The following TM9SF3 variants were observed in gnomAD, a reference collection of about 807,000 sequenced individuals.
TM9SF3 encodes the protein SM-11044-binding protein.
TM9SF3 carries 14 observed loss-of-function variants against 78.6 expected under a neutral mutation model. The observed-to-expected ratio is 0.18, with a 90% confidence interval of 0.12 to 0.28. TM9SF3 has a LOEUF of 0.28. Among genes scored for constraint, TM9SF3 ranks in the 10% least tolerant of loss-of-function variants. The pLI, the probability that TM9SF3 is intolerant of heterozygous loss-of-function variation, is 1.00. For synonymous variants in TM9SF3, 231 were observed against 241.7 expected, an observed-to-expected ratio of 0.96 and a Z score of 0.41; for missense variants, 496 against 721.9, an observed-to-expected ratio of 0.69 and a Z score of 3.59.
chr10:96,559,414 GTATGT>G (rs1564935663), intron 5 of TM9SF3, among the ~76,000 whole-genome samples: 7 of 25,864 alleles, frequency 2.7e-4, no homozygotes, highest in African/African-American at 9.8e-4. Flanking sequence ...TTGGCTTCCC[GTATGT>G]TATATTCTTC....
chr10:96,552,794 TTTC>T, intron 6 of TM9SF3, 131 bp downstream of exon 6: 2 of 848,750 alleles, frequency 2.4e-6, no homozygotes, highest in Non-Finnish European at 3.2e-6. Flanking sequence ...ATTTTACATC[TTTC>T]TTAACTCTAA....
chr10:96,570,028 A>G (rs1220082554), intron 2 of TM9SF3, among the ~76,000 whole-genome samples: 1 of 152,262 alleles, frequency 6.6e-6, no homozygotes. Flanking sequence ...TCTCAAAAAA[A>G]AGAAAGAAAA....
At chr10:96,526,819 G>A (rs1470601083) in intron 14 of TM9SF3, among the ~76,000 whole-genome samples, 4 of 152,080 alleles carry the variant, frequency 2.6e-5, no homozygotes, top group Non-Finnish European at 5.9e-5. Flanking sequence ...ACCTTAACAT[G>A]CCTACATCAT....
chr10:96,530,711 A>AGGCCGGGCGCGGTGGCTCACGCCTGT, intron 10 of TM9SF3, 103 bp from the exon 11 acceptor site: 1 of 1,062,736 alleles, frequency 9.4e-7, no homozygotes, highest in Non-Finnish European at 1.3e-6. Context: ...AATCATCTCT[A>AGGCCGGGCGCGGTGGCTCACGCCTGT]AAGGATAGAA....
intron 1 of TM9SF3, chr10:96,577,642 T>TA (rs1848513134): frequency 6.6e-6 from 1 of 152,214 alleles, no homozygotes; most frequent in South Asian, 2.1e-4. Flanking sequence ...TAAGTAGCAG[T>TA]ATAAATTAAA....
chr10:96,540,799 T>G (rs1406563711), intron 9 of TM9SF3, among the ~76,000 whole-genome samples: 2 of 111,002 alleles, frequency 1.8e-5, no homozygotes, highest in Non-Finnish European at 3.5e-5. Flanking sequence ...TTTTTTGAGA[T>G]GGAGTCTCAC....
rs114215794 is a variant in TM9SF3 at position 96,537,223 on chromosome 10, G to A, written c.1186-4033C>T. 5.3e-3 allele frequency among the ~76,000 whole-genome samples: 801 copies of A among 152,190 alleles called. 9 individuals are homozygous for A. Among genetic ancestry groups the A allele is most frequent in the African/African-American group, 0.018 (766 of 41,508 alleles). ...TTTTTTTTGGTCAATGATGGACCACGTATCTGACGTTGGTCCCATAAGATT... is the reference window on the plus strand; with the variant it reads ...TTTTTTTTGGTCAATGATGGACCACATATCTGACGTTGGTCCCATAAGATT... On this transcript the variant is annotated intron_variant, in intron 9 of 14. Coordinates refer to ENST00000371142, the MANE Select transcript of TM9SF3 (RefSeq NM_020123.4).
intron 5 of TM9SF3, among the ~76,000 whole-genome samples, chr10:96,553,405 T>G (rs1440619521): frequency 6.6e-6 from 1 of 152,162 alleles, no homozygotes; most frequent in Non-Finnish European, 1.5e-5. Context: ...ACATTGCCAG[T>G]TTCTGACTAT....
chr10:96,525,905 A>G (rs1286080381), intron 14 of TM9SF3, among the ~76,000 whole-genome samples: 1 of 152,110 alleles, frequency 6.6e-6, no homozygotes, highest in Non-Finnish European at 1.5e-5. Context: ...TTAGAGTCAT[A>G]AAGTTGTTCT....
chr10:96,526,071 CATTTA>C (rs775140081), intron 14 of TM9SF3, among the ~76,000 whole-genome samples: 2 of 152,138 alleles, frequency 1.3e-5, no homozygotes, highest in Non-Finnish European at 2.9e-5. Context: ...TGTTTATCCA[CATTTA>C]ATCACTGAAT....
At chr10:96,581,205 T>C (rs1274419353) in intron 1 of TM9SF3, among the ~76,000 whole-genome samples, 2 of 152,176 alleles carry the variant, frequency 1.3e-5, no homozygotes, top group East Asian at 1.9e-4. Flanking sequence ...TGTTTATGTG[T>C]TGGGGGGGTA....
At position 96,527,253 on chromosome 10, in the gene TM9SF3, T is replaced by G. The variant is rs374856715; in HGVS notation, c.1662A>C (p.Gly554=). The change falls in exon 14 of 15, where the codon GGA becomes GGC. Residue 554 remains glycine (G), a synonymous_variant. Coordinates refer to ENST00000371142, the MANE Select transcript of TM9SF3 (RefSeq NM_020123.4). The part of the protein sequence containing the change: ...YGLFQTSFYF[G]YMAVFSTALG... ...AGGCTGTGCTAAATACCGCCATATA[T>G]CCAAAGTAAAATGATGTTTGAAATA... is the stretch of plus-strand genomic sequence containing the variant. 3.1e-6 allele frequency: 5 copies of G among 1,611,604 alleles called. No homozygotes were observed. In the African/African-American group the frequency reaches 5.3e-5, roughly 17 times the overall value.
At chr10:96,528,608 T>C (rs1276620468) in intron 11 of TM9SF3, among the ~76,000 whole-genome samples, 1 of 152,012 alleles carries the variant, frequency 6.6e-6, no homozygotes, top group Non-Finnish European at 1.5e-5. Flanking sequence ...ATGTATAAAA[T>C]TAGGAAAAGC....
chr10:96,583,928 G>A (rs1291680686), intron 1 of TM9SF3, among the ~76,000 whole-genome samples: 1 of 152,130 alleles, frequency 6.6e-6, no homozygotes, highest in African/African-American at 2.4e-5. Context: ...CAGCTACTAG[G>A]GAGGCTGAGG....
chr10:96,547,091 C>A (rs146754459), intron 8 of TM9SF3, among the ~76,000 whole-genome samples: 2,072 of 152,250 alleles, frequency 0.014, 34 homozygotes, highest in African/African-American at 0.044. Flanking sequence ...AAAGGAGCAA[C>A]AGGATATTTA....
chr10:96,536,021 T>A (rs567880205), intron 9 of TM9SF3, among the ~76,000 whole-genome samples: 1 of 152,264 alleles, frequency 6.6e-6, no homozygotes, highest in Admixed American at 6.5e-5. Flanking sequence ...AGAAAATTAA[T>A]ACTTTCACCA....
chr10:96,577,831 A>C (rs1848515072), intron 1 of TM9SF3, among the ~76,000 whole-genome samples: 1 of 152,200 alleles, frequency 6.6e-6, no homozygotes, highest in South Asian at 2.1e-4. Flanking sequence ...AATAATAATA[A>C]GGTAGGTTGC....
intron 4 of TM9SF3, chr10:96,560,873 C>T: frequency 3.7e-6 from 2 of 533,540 alleles, no homozygotes; most frequent in Non-Finnish European, 7.3e-6. Flanking sequence ...GGACCTAGTT[C>T]TGTAGAAAAC....
At chr10:96,537,955 G>GT (rs980649595) in intron 9 of TM9SF3, among the ~76,000 whole-genome samples, 14 of 152,160 alleles carry the variant, frequency 9.2e-5, no homozygotes, top group African/African-American at 3.4e-4. Flanking sequence ...ATGTTAAGAT[G>GT]TCAATTTTTC....
Sources: allele counts gnomAD v4.1 joint callset (sites outside exome capture counted in the v4.1 genomes callset), GRCh38; gene constraint gnomAD v4.1.1; transcripts MANE v1.5; gene names NCBI Gene and HGNC (gene_info 2026-07-23, HGNC 2026-07-21).